The following PCBP3 variants were observed in gnomAD, a reference collection of about 807,000 sequenced individuals.
The protein encoded by PCBP3 is poly(rC)-binding protein 3.
In PCBP3, 25 loss-of-function variants were observed where a neutral mutation model predicts 52.7. The observed-to-expected ratio is 0.47, with a 90% CI of 0.35 to 0.66. The LOEUF is 0.66. PCBP3 is among the 30% of genes least tolerant of loss of function. The probability of loss-of-function intolerance (pLI) is 0.01; values close to 1 mark genes in which losing one functional copy is unlikely to be tolerated. For missense variants in PCBP3, 391 were observed against 490.3 expected (o/e 0.80, Z 1.91); for synonymous variants, 162 against 183.0 (o/e 0.89, Z 0.93).
chr21:45,834,625 C>T lies in PCBP3; in HGVS notation c.-125-15336C>T, dbSNP rs9977784. ...GCTGCACTGTGAGGGTGCAGCCCAG[C>T]GCCTCAGAGGCAGCAGCACCTGTGA... On this transcript the variant is annotated intron_variant, in intron 4 of 17. Transcript: ENST00000681687. Among the ~76,000 whole-genome samples, 371 of 152,300 alleles carry T rather than the reference C, an allele frequency of 2.4e-3. 1 individual carries two copies. Among genetic ancestry groups the T allele is most frequent in the African/African-American group, 8.5e-3 (352 of 41,570 alleles).
At chr21:45,803,043 A>T (rs951196018) in intron 4 of PCBP3, among the ~76,000 whole-genome samples, 2 of 152,250 alleles carry the variant, frequency 1.3e-5, no homozygotes, top group Non-Finnish European at 1.5e-5. Flanking sequence ...TTGTTGTGCA[A>T]ACACTTGTTC....
chr21:45,861,964 A>G (rs2094526153), intron 5 of PCBP3, among the ~76,000 whole-genome samples: 2 of 152,096 alleles, frequency 1.3e-5, no homozygotes, highest in African/African-American at 4.8e-5. Flanking sequence ...TGCGCCTGGG[A>G]AGGGTCGGCC....
chr21:45,899,739 TG>T, intron 7 of PCBP3, 117 bp downstream of exon 7: 1 of 740,148 alleles, frequency 1.4e-6, no homozygotes, highest in South Asian at 1.6e-5. Context: ...AGTTGGTGGG[TG>T]GTCTGTGTTC....
Position 45,788,815 on chromosome 21 carries a change from C to T in PCBP3, c.-126+33363C>T, listed in dbSNP as rs550906276. 2.0e-5 allele frequency: 3 copies of T among 152,308 alleles called. No individual in the cohort carries two copies. In the South Asian group the frequency reaches 6.2e-4, roughly 32 times the overall value. The allele number at this position is 152,308 out of a possible 1,614,324, so 9.4% of individuals were successfully genotyped here. A position where few individuals can be genotyped will look rare whatever the true frequency, so the allele number is the denominator to read the frequency against. On this transcript the variant is annotated intron_variant, in intron 4 of 17. Transcript: ENST00000681687. The surrounding 1 kb of genome is among the most constrained non-coding windows in gnomAD (Gnocchi z 4.3). The stretch of plus-strand genomic sequence containing the variant: ...ATCTGGAGTATGTGGTGACTGTCAA[C>T]TTTTCATCTATGCAGAATGTTAATG...
intron 2 of PCBP3, among the ~76,000 whole-genome samples, chr21:45,682,973 C>T (rs2081941460): frequency 6.6e-6 from 1 of 152,122 alleles, no homozygotes; most frequent in Non-Finnish European, 1.5e-5. Flanking sequence ...TACCAAGAAC[C>T]TAACCCTGGG....
intron 5 of PCBP3, among the ~76,000 whole-genome samples, chr21:45,874,992 C>A (rs1048836033): frequency 1.3e-5 from 2 of 152,202 alleles, no homozygotes; most frequent in Non-Finnish European, 1.5e-5. Context: ...CTGGGCCAGC[C>A]CCCTGTCCAA....
chr21:45,918,627 A>T (rs2073916215), intron 13 of PCBP3: 1 of 149,828 alleles, frequency 6.7e-6, no homozygotes, highest in African/African-American at 2.5e-5. Flanking sequence ...CGTCGGTGTA[A>T]TTCCAGTGCT....
chr21:45,941,589 C>T (rs2077476057), intron 17 of PCBP3, 81 bp from the exon 18 acceptor site: 1 of 1,335,486 alleles, frequency 7.5e-7, no homozygotes, highest in East Asian at 2.4e-5. Flanking sequence ...ACAGAGGCCA[C>T]ACAGCCCGGC....
intron 5 of PCBP3, among the ~76,000 whole-genome samples, chr21:45,884,019 C>A (rs2095461500): frequency 6.6e-6 from 1 of 152,150 alleles, no homozygotes; most frequent in African/African-American, 2.4e-5. Flanking sequence ...CTCACTGCAG[C>A]CTCTTCTGGG....
At chr21:45,809,561 G>T in intron 4 of PCBP3, among the ~76,000 whole-genome samples, 1 of 152,216 alleles carries the variant, frequency 6.6e-6, no homozygotes, top group East Asian at 1.9e-4. Flanking sequence ...ATCGTGCTCG[G>T]CTCTGGATCC....
chr21:45,917,834 C>G lies in PCBP3; in HGVS notation c.717+205C>G. The G allele has an allele frequency of 6.6e-6, 4 of 610,066 alleles. No homozygotes were observed. The highest frequency in any genetic ancestry group is 1.2e-5 in the Non-Finnish European group (4 of 331,184). 37.8% of individuals were successfully genotyped at this position (610,066 alleles called of 1,614,324 possible). Reference sequence around the variant, plus strand: ...AATTCTGCTTGTGTTGAGGACTTGGCCTGATGTCAAATTGTCTCAATTCTG... The same window carrying G: ...AATTCTGCTTGTGTTGAGGACTTGGGCTGATGTCAAATTGTCTCAATTCTG... On this transcript the variant is annotated intron_variant, in intron 13 of 17. Transcript: ENST00000681687. The surrounding 1 kb of genome is among the most constrained non-coding windows in gnomAD (Gnocchi z 5.3).
At chr21:45,672,553 A>G (rs916474557) in intron 2 of PCBP3, among the ~76,000 whole-genome samples, 24 of 152,118 alleles carry the variant, frequency 1.6e-4, no homozygotes, top group African/African-American at 4.6e-4. Flanking sequence ...TGGTAGTTTC[A>G]TATGCCAGTA....
intron 9 of PCBP3, among the ~76,000 whole-genome samples, chr21:45,905,550 C>T (rs80206606): frequency 0.05 from 7,548 of 152,294 alleles, 433 homozygotes; most frequent in African/African-American, 0.13. Flanking sequence ...GCCATGACTG[C>T]GTGGCTTACA....
rs2086475352 is a variant in PCBP3, at chr21:45,741,852, C to T, written c.-162+6423C>T. On this transcript the variant is annotated intron_variant, in intron 3 of 17. Transcript: ENST00000681687. The surrounding 1 kb of genome is among the most constrained non-coding windows in gnomAD (Gnocchi z 4.5). ...TGGTGAATCTGAGGCAGATCTTTCT[C>T]CTCAGGTTGCTTGAGCTCTGCAGCG... Among the ~76,000 whole-genome samples the T allele has an allele frequency of 6.6e-6, 1 of 152,170 alleles. No individual in the cohort carries two copies. The highest frequency in any genetic ancestry group is 1.5e-5 in the Non-Finnish European group (1 of 68,032).
chr21:45,773,236 T>A (rs2090012844), intron 4 of PCBP3, among the ~76,000 whole-genome samples: 1 of 152,192 alleles, frequency 6.6e-6, no homozygotes, highest in Non-Finnish European at 1.5e-5. Flanking sequence ...ATTTTTATAG[T>A]TTCAGGTCTT....
rs1201037370 is a variant in PCBP3 at position 45,896,191 on chromosome 21, G to C, written c.11-17G>C. The C allele has an allele frequency of 2.6e-6, 4 of 1,550,460 alleles. No individual in the cohort carries two copies. The African/African-American group carries it at 5.5e-5, about 21-fold the overall frequency. Reference sequence around the variant, plus strand: ...GTGAGACTCTTCTCTAGCAGCAGCTGTGCCTTCTCTCTCCAGGTGACGCCT... The same window carrying C: ...GTGAGACTCTTCTCTAGCAGCAGCTCTGCCTTCTCTCTCCAGGTGACGCCT... On this transcript the variant is annotated splice_polypyrimidine_tract_variant and intron_variant, in intron 5 of 17. Transcript: ENST00000681687.
At chr21:45,816,498 CCCCCTCCCCTCCCCTCCCCTCCCCT>C (rs1211168287) in intron 4 of PCBP3, among the ~76,000 whole-genome samples, 1 of 55,222 alleles carries the variant, frequency 1.8e-5, no homozygotes. Flanking sequence ...TCCTCCCCTT[CCCCCTCCCCTCCCCTCCCCTCCCCT>C]CCCCTCCCCT....
At chr21:45,901,997 G>A (rs1409932504) in intron 9 of PCBP3, among the ~76,000 whole-genome samples, 3 of 152,220 alleles carry the variant, frequency 2.0e-5, no homozygotes, top group Non-Finnish European at 4.4e-5. Flanking sequence ...CATGGTGGGG[G>A]TCGGCGCCAT....
intron 4 of PCBP3, among the ~76,000 whole-genome samples, chr21:45,782,080 T>C (rs960661504): frequency 4.6e-5 from 7 of 152,202 alleles, no homozygotes; most frequent in African/African-American, 1.7e-4. Flanking sequence ...GAAAGCAGCA[T>C]TCCTTTTTGG....
Sources: gnomAD v4.1 joint callset for allele counts (sites outside exome capture counted in the v4.1 genomes callset) on GRCh38, gnomAD v4.1.1 for gene constraint, Gnocchi (gnomAD v3.1) non-coding constraint, MANE v1.5 for transcripts, NCBI Gene and HGNC (gene_info 2026-07-23, HGNC 2026-07-21) for gene names.